Variants in RBMS1 observed in about 807,000 individuals in gnomAD.
RBMS1 encodes RNA binding motif single stranded interacting protein 1, also known as RNA-binding motif, single-stranded-interacting protein 1.
A neutral mutation model predicts 62.3 loss-of-function variants in RBMS1; 17 were observed. The ratio of observed to expected loss-of-function variants is 0.27; its 90% CI spans 0.19 to 0.41. The LOEUF is 0.41. Among genes scored for constraint, RBMS1 ranks in the 10% least tolerant of loss-of-function variants. RBMS1 has a pLI of 1.00. For missense variants in RBMS1, 334 were observed against 504.5 expected (o/e 0.66, Z 3.24); for synonymous variants, 172 against 170.0 (o/e 1.01, Z -0.09).
chr2:160,281,565 A>C (rs1463245371), intron 9 of RBMS1: 2 of 454,848 alleles, frequency 4.4e-6, no homozygotes, highest in Admixed American at 4.0e-5. Flanking sequence ...ATTTAGAAAC[A>C]ATTTCTATTT....
At chr2:160,471,190 C>T (rs1684897789) in intron 1 of RBMS1, among the ~76,000 whole-genome samples, 1 of 152,038 alleles carries the variant, frequency 6.6e-6, no homozygotes, top group Non-Finnish European at 1.5e-5. Context: ...CTCAAAAGGG[C>T]AATAAATGCT....
intron 2 of RBMS1, among the ~76,000 whole-genome samples, chr2:160,355,639 C>A (rs909212699): frequency 2.0e-5 from 3 of 151,988 alleles, no homozygotes; most frequent in African/African-American, 7.2e-5. Flanking sequence ...AAGATTCCCC[C>A]CATCATGGCA....
intron 1 of RBMS1, among the ~76,000 whole-genome samples, chr2:160,444,375 A>C (rs559732527): frequency 6.6e-6 from 1 of 152,362 alleles, no homozygotes; most frequent in East Asian, 1.9e-4. Flanking sequence ...GTCTCAGCTA[A>C]AAGCACAAAT....
chr2:160,431,452 T>C (rs1682892142), intron 1 of RBMS1, among the ~76,000 whole-genome samples: 1 of 152,016 alleles, frequency 6.6e-6, no homozygotes, highest in African/African-American at 2.4e-5. Flanking sequence ...GTATAAATGT[T>C]AAGTTATAGA....
At chr2:160,464,119 G>A (rs1483192110) in intron 1 of RBMS1, among the ~76,000 whole-genome samples, 2 of 151,990 alleles carry the variant, frequency 1.3e-5, no homozygotes, top group African/African-American at 4.8e-5. Context: ...CACACACCAT[G>A]CCACACCACG....
intron 7 of RBMS1, 26 bp from the exon 8 acceptor site, chr2:160,285,070 ACATT>A (rs1314397119): frequency 6.3e-7 from 1 of 1,598,626 alleles, no homozygotes; most frequent in South Asian, 1.1e-5. Flanking sequence ...AGAAATATAA[ACATT>A]CATCTAGAAA....
chr2:160,485,069 C>A (rs1239952746), intron 1 of RBMS1, among the ~76,000 whole-genome samples: 1 of 151,970 alleles, frequency 6.6e-6, no homozygotes, highest in African/African-American at 2.4e-5. Context: ...GTAAGCTCAG[C>A]ATGAGAAGCA....
chr2:160,407,362 G>A, intron 1 of RBMS1: 2 of 985,610 alleles, frequency 2.0e-6, no homozygotes, highest in Non-Finnish European at 1.2e-6. Context: ...CAAGGTCACC[G>A]CCCAGCCGGT....
At chr2:160,379,343 G>C (rs959369471) in intron 1 of RBMS1, among the ~76,000 whole-genome samples, 10 of 152,188 alleles carry the variant, frequency 6.6e-5, no homozygotes, top group African/African-American at 2.4e-4. Context: ...GTTTATTTCA[G>C]GTGAAATTTC....
In RBMS1 at chr2:160,277,388, AAAG is replaced by A. The variant is rs1248629665; in HGVS notation, c.1063-8_1063-6del. 3 of 1,609,004 alleles carry A rather than the reference AAAG, an allele frequency of 1.9e-6. No individual in the cohort carries two copies. Among genetic ancestry groups the A allele is most frequent in the South Asian group, 1.1e-5 (1 of 90,962 alleles). ...AGCTGACGTTGCAGGCATGTACTAG[AAAG>A]AAGAATGAGGTCAGAATGGGCAATG... On this transcript the variant is annotated splice_region_variant and splice_polypyrimidine_tract_variant and intron_variant, in intron 11 of 13. Transcript: ENST00000348849.
intron 1 of RBMS1, among the ~76,000 whole-genome samples, chr2:160,462,840 C>A (rs192464747): frequency 2.6e-5 from 4 of 151,740 alleles, no homozygotes; most frequent in Non-Finnish European, 5.9e-5. Context: ...AGGTGATCCA[C>A]CCGCCTCGGT....
At chr2:160,286,874 A>G in intron 7 of RBMS1, 95 bp downstream of exon 7, 1 of 1,587,782 alleles carries the variant, frequency 6.3e-7, no homozygotes, top group Non-Finnish European at 8.6e-7. Flanking sequence ...AGAAGTGTGC[A>G]GCCAAGTCAA....
rs561352513 is a variant in RBMS1 at position 160,404,830 on chromosome 2, G to A, written c.76-37439C>T. ...GTTCTCCCTCCCCAAAAAGGTGGGA[G>A]GAATCCCTAAACTGGACTTCTGAGA... is the stretch of plus-strand genomic sequence containing the variant. On this transcript the variant is annotated intron_variant, in intron 1 of 13. Transcript: ENST00000348849. Among the ~76,000 whole-genome samples, 4 of 152,300 alleles carry A rather than the reference G, an allele frequency of 2.6e-5. No homozygotes were observed. The South Asian group carries it at 8.3e-4, about 32-fold the overall frequency.
chr2:160,282,250 G>A (rs374832477), intron 9 of RBMS1: 6 of 1,367,664 alleles, frequency 4.4e-6, no homozygotes, highest in African/African-American at 3.0e-5. Context: ...AATGTATTGC[G>A]ATTTACCTTG....
chr2:160,384,475 C>A (rs1694463620), intron 1 of RBMS1, among the ~76,000 whole-genome samples: 1 of 152,164 alleles, frequency 6.6e-6, no homozygotes, highest in Admixed American at 6.5e-5. Context: ...TTCCTCTAAA[C>A]CTCAAAACAA....
chr2:160,318,228 CTAA>C lies in RBMS1; in HGVS notation c.252-4_252-2del. 1 of 654,056 alleles carries C rather than the reference CTAA, an allele frequency of 1.5e-6. No individual in the cohort carries two copies. The highest frequency in any genetic ancestry group is 2.1e-6 in the Non-Finnish European group (1 of 487,658). The allele number at this position is 654,056 out of a possible 1,614,324, so 40.5% of individuals were successfully genotyped here. A position where few individuals can be genotyped will look rare whatever the true frequency, so the allele number is the denominator to read the frequency against. ...CTTTGTGGAGACTATTTTCCCATAT[CTAA>C]AAAAAAAAAAAAAAAAAAAAAGGAA... On this transcript the variant is annotated splice_acceptor_variant and splice_polypyrimidine_tract_variant and intron_variant, in intron 2 of 13. Coordinates refer to ENST00000348849, the MANE Select transcript of RBMS1 (RefSeq NM_016836.4). LOFTEE classifies it high-confidence loss of function.
chr2:160,392,533 A>G (rs1694920461), intron 1 of RBMS1, among the ~76,000 whole-genome samples: 2 of 151,944 alleles, frequency 1.3e-5, no homozygotes, highest in South Asian at 4.1e-4. Context: ...GTAAACCTTT[A>G]TTGCTTGTTT....
At chr2:160,467,420 C>T (rs936561990) in intron 1 of RBMS1, among the ~76,000 whole-genome samples, 1 of 152,138 alleles carries the variant, frequency 6.6e-6, no homozygotes, top group Non-Finnish European at 1.5e-5. Context: ...ACCTTATGCA[C>T]AGCAAGGAAC....
At chr2:160,291,796 C>A (rs1442709204) in intron 6 of RBMS1, among the ~76,000 whole-genome samples, 1 of 152,146 alleles carries the variant, frequency 6.6e-6, no homozygotes, top group Non-Finnish European at 1.5e-5. Context: ...CCTCACTTCC[C>A]AACCCATCAA....
Sources: gnomAD v4.1 joint callset for allele counts (sites outside exome capture counted in the v4.1 genomes callset) on GRCh38, gnomAD v4.1.1 for gene constraint, MANE v1.5 for transcripts, NCBI Gene and HGNC (gene_info 2026-07-23, HGNC 2026-07-21) for gene names.